Variants in TASP1 observed in about 807,000 individuals in gnomAD.
The protein encoded by TASP1 is taspase 1.
A neutral mutation model predicts 56.6 loss-of-function variants in TASP1; 16 were observed. That is an observed-to-expected ratio of 0.28 (90% CI 0.19 to 0.43). TASP1 has a LOEUF of 0.43. Ranked by LOEUF, TASP1 falls within the 20% of genes least tolerant of loss-of-function variation. The pLI, the probability that TASP1 is intolerant of heterozygous loss-of-function variation, is 1.00. For synonymous variants in TASP1, 179 were observed against 184.2 expected (o/e 0.97, Z 0.23); for missense variants, 393 against 511.6 (o/e 0.77, Z 2.24).
chr20:13,403,953 T>G (rs2041829542), intron 13 of TASP1, among the ~76,000 whole-genome samples: 1 of 152,266 alleles, frequency 6.6e-6, no homozygotes, highest in South Asian at 2.1e-4. Context: ...AACAGAGGTA[T>G]GATTTTACAC....
chr20:13,301,520 T>G, the TASP1 span, among the ~76,000 whole-genome samples: 114 of 152,302 alleles, frequency 7.5e-4, no homozygotes, highest in African/African-American at 2.6e-3. Context: ...ATTTACACCT[T>G]AGAAGGTATT....
chr20:13,128,513 T>C, the TASP1 span, among the ~76,000 whole-genome samples: 1 of 152,082 alleles, frequency 6.6e-6, no homozygotes, highest in Non-Finnish European at 1.5e-5. Context: ...GTTACCAAGG[T>C]AAAAAGAAAG....
At chr20:13,299,311 A>G in the TASP1 span, 2 of 1,613,810 alleles carry the variant, frequency 1.2e-6, no homozygotes, top group Non-Finnish European at 1.7e-6. This position sits in a 1 kb window ranked among gnomAD's most constrained non-coding sequence, Gnocchi z 5.8. Context: ...GAGCTCCACT[A>G]CAAGGTGGAC....
chr20:13,571,002 C>T (rs1056418557), intron 6 of TASP1, among the ~76,000 whole-genome samples: 2 of 152,110 alleles, frequency 1.3e-5, no homozygotes, highest in African/African-American at 2.4e-5. Context: ...TCTCAGCACT[C>T]CCATTGGTCA....
At chr20:13,277,781 G>A in the TASP1 span, among the ~76,000 whole-genome samples, 2 of 152,140 alleles carry the variant, frequency 1.3e-5, no homozygotes, top group Non-Finnish European at 2.9e-5. Context: ...TCCCGTGACA[G>A]AGGAGAAGGG....
the TASP1 span, among the ~76,000 whole-genome samples, chr20:13,192,142 C>A: frequency 6.6e-6 from 1 of 152,136 alleles, no homozygotes; most frequent in African/African-American, 2.4e-5. Context: ...CTCAGGCAGA[C>A]AAAAGCTGAG....
the TASP1 span, among the ~76,000 whole-genome samples, chr20:13,176,249 C>T: frequency 4.6e-5 from 7 of 152,238 alleles, no homozygotes; most frequent in African/African-American, 1.7e-4. Flanking sequence ...CTTTCTCTGG[C>T]CTCATTACTG....
In TASP1 at chr20:13,580,211, C is replaced by T. The variant is rs3789341; in HGVS notation, c.488+686G>A. Among the ~76,000 whole-genome samples, 7 of 152,284 alleles carry T rather than the reference C, an allele frequency of 4.6e-5. No homozygotes were observed. The East Asian group carries it at 1.4e-3, about 29-fold the overall frequency. Reference sequence around the variant, plus strand: ...CTGTTAATCCCAGCTCTCTGGGAGGCCAAGGCAGGAGGATTGCTTGAGTCC... The same window carrying T: ...CTGTTAATCCCAGCTCTCTGGGAGGTCAAGGCAGGAGGATTGCTTGAGTCC... On this transcript the variant is annotated intron_variant, in intron 6 of 13. Transcript: ENST00000337743.
intron 4 of TASP1, among the ~76,000 whole-genome samples, chr20:13,617,573 G>A (rs1320197171): frequency 2.6e-5 from 4 of 152,230 alleles, no homozygotes; most frequent in South Asian, 4.1e-4. Flanking sequence ...GGCAGGGGGC[G>A]CTGGGGAAAG....
intron 5 of TASP1, among the ~76,000 whole-genome samples, chr20:13,583,267 C>G (rs1601335506): frequency 6.6e-6 from 1 of 152,216 alleles, no homozygotes; most frequent in South Asian, 2.1e-4. Context: ...CCAGCCTGAG[C>G]TTGCCTCTGC....
At chr20:13,529,602 G>A (rs1198827174) in intron 9 of TASP1, among the ~76,000 whole-genome samples, 1 of 152,080 alleles carries the variant, frequency 6.6e-6, no homozygotes, top group Admixed American at 6.5e-5. Context: ...AAGTCTTTAA[G>A]AACAAATACA....
chr20:13,219,295 A>G, the TASP1 span, among the ~76,000 whole-genome samples: 283 of 152,236 alleles, frequency 1.9e-3, 1 homozygote, highest in African/African-American at 6.7e-3. Context: ...TAATTTATAC[A>G]TTCTATTTCG....
At chr20:13,310,150 G>C in the TASP1 span, among the ~76,000 whole-genome samples, 1 of 152,070 alleles carries the variant, frequency 6.6e-6, no homozygotes, top group South Asian at 2.1e-4. Flanking sequence ...TTGAGCAAAA[G>C]GAACAAAGCT....
chr20:13,435,194 T>C, intron 11 of TASP1, 40 bp from the exon 12 acceptor site: 1 of 1,443,004 alleles, frequency 6.9e-7, no homozygotes, highest in Non-Finnish European at 9.4e-7. Context: ...CAGTGAATTT[T>C]ACTTTTTAAA....
At chr20:13,537,678 A>G (rs1386580730) in intron 8 of TASP1, among the ~76,000 whole-genome samples, 1 of 152,190 alleles carries the variant, frequency 6.6e-6, no homozygotes, top group Non-Finnish European at 1.5e-5. Flanking sequence ...CTTTTTTGAT[A>G]AAATTGTAAC....
chr20:13,386,217 A>G (rs2123537076), downstream of TASP1, among the ~76,000 whole-genome samples: 1 of 152,352 alleles, frequency 6.6e-6, no homozygotes, highest in South Asian at 2.1e-4. Context: ...GTAAACCTAT[A>G]GGTCTGGTCA....
chr20:13,384,870 G>A (rs1027973199), downstream of TASP1, among the ~76,000 whole-genome samples: 3 of 152,216 alleles, frequency 2.0e-5, no homozygotes, highest in Non-Finnish European at 4.4e-5. Context: ...GTTCCTGGGA[G>A]GGGGAGTGGC....
At chr20:13,477,265 A>C (rs1419273354) in intron 11 of TASP1, among the ~76,000 whole-genome samples, 1 of 152,148 alleles carries the variant, frequency 6.6e-6, no homozygotes, top group Non-Finnish European at 1.5e-5. Context: ...CATCTCCCCA[A>C]AAGAATGAAG....
intron 13 of TASP1, among the ~76,000 whole-genome samples, chr20:13,397,761 C>T (rs1044803550): frequency 1.3e-5 from 2 of 152,306 alleles, no homozygotes; most frequent in African/African-American, 4.8e-5. Flanking sequence ...AAATCACTGG[C>T]TCTCTGGGTT....
Sources: gnomAD v4.1 joint callset for allele counts (sites outside exome capture counted in the v4.1 genomes callset) on GRCh38, gnomAD v4.1.1 for gene constraint, Gnocchi (gnomAD v3.1) non-coding constraint, MANE v1.5 for transcripts, NCBI Gene and HGNC (gene_info 2026-07-23, HGNC 2026-07-21) for gene names.